Variants in PTPRJ observed in about 807,000 individuals in gnomAD.
The protein encoded by PTPRJ is receptor-type tyrosine-protein phosphatase eta.
In PTPRJ, 129 loss-of-function variants were observed where a neutral mutation model predicts 141.3. The ratio of observed to expected loss-of-function variants is 0.91; its 90% CI spans 0.79 to 1.06. PTPRJ has a LOEUF of 1.06. Ranked by LOEUF, PTPRJ falls within the 50% of genes least tolerant of loss-of-function variation. PTPRJ has a pLI of 0.00. For missense variants in PTPRJ, 1,601 were observed against 1,679.7 expected (o/e 0.95, Z 0.82); for synonymous variants, 610 against 640.5 (o/e 0.95, Z 0.72).
rs562648187 is a variant in PTPRJ, at chr11:48,011,438, A to G, written c.96+30430A>G. Among the ~76,000 whole-genome samples, 14 of 152,294 alleles carry G rather than the reference A, an allele frequency of 9.2e-5. No homozygotes were observed. The South Asian group carries it at 2.9e-3, about 32-fold the overall frequency. Reference sequence around the variant, plus strand: ...AGAAAGTAATGCCGATCAGGGGCTCAGAGTGTCCCAAGTGTTTTCTCTTGC... The same window carrying G: ...AGAAAGTAATGCCGATCAGGGGCTCGGAGTGTCCCAAGTGTTTTCTCTTGC... On this transcript the variant is annotated intron_variant, in intron 1 of 24. Transcript: ENST00000418331.
chr11:48,119,018 C>CAAAAAAAAAA (rs59349969), intron 3 of PTPRJ, among the ~76,000 whole-genome samples: 9 of 87,058 alleles, frequency 1.0e-4, no homozygotes, highest in East Asian at 3.5e-4. Context: ...GACTTCGTCT[C>CAAAAAAAAAA]AAAAAAAAAA....
At chr11:48,010,409 C>T (rs1189295621) in intron 1 of PTPRJ, among the ~76,000 whole-genome samples, 1 of 151,782 alleles carries the variant, frequency 6.6e-6, no homozygotes, top group Non-Finnish European at 1.5e-5. Context: ...AAACTCCTGA[C>T]CTCAAGTGAT....
intron 1 of PTPRJ, among the ~76,000 whole-genome samples, chr11:48,074,071 C>G (rs1855336893): frequency 6.6e-6 from 1 of 152,224 alleles, no homozygotes; most frequent in African/African-American, 2.4e-5. Context: ...CCTTGACCTC[C>G]TGGGCTCAAG....
At chr11:48,053,289 A>G (rs1854642876) in intron 1 of PTPRJ, among the ~76,000 whole-genome samples, 1 of 91,078 alleles carries the variant, frequency 1.1e-5, no homozygotes, top group Non-Finnish European at 2.0e-5. Flanking sequence ...AAATATATAA[A>G]AATATATAAA....
rs1243032019 is a variant in PTPRJ, at chr11:47,991,540, G to T, written c.96+10532G>T. 5.3e-5 allele frequency among the ~76,000 whole-genome samples: 8 copies of T among 152,312 alleles called. No individual in the cohort carries two copies. In the East Asian group the frequency reaches 1.3e-3, roughly 26 times the overall value. ...GCAGCAAGGTGATTGTGCATTTCCT[G>T]CTGCTGGCTGAGGGGCCAGCAAATT... On this transcript the variant is annotated intron_variant, in intron 1 of 24. Coordinates refer to ENST00000418331, the MANE Select transcript of PTPRJ (RefSeq NM_002843.4).
At position 48,123,643 on chromosome 11, in the gene PTPRJ, C is replaced by T; in HGVS notation, c.647C>T (p.Ala216Val). The T allele has an allele frequency of 6.2e-7, 1 of 1,613,938 alleles. No homozygotes were observed. Among genetic ancestry groups the T allele is most frequent in the Non-Finnish European group, 8.5e-7 (1 of 1,179,886 alleles). The change falls in exon 5 of 25, where the codon GCC becomes GTC. Residue 216 changes from alanine (A) to valine (V), a missense_variant. Transcript: ENST00000418331. ...ATCCCAGTTTCTGATCTCCGTGTTGCCCTCACGGGTGTGAGGAAGGCTGCT... is the reference window on the plus strand; with the variant it reads ...ATCCCAGTTTCTGATCTCCGTGTTGTCCTCACGGGTGTGAGGAAGGCTGCT... ...EPIPVSDLRVALTGVRKAALS... is the reference protein window; with the variant it reads ...EPIPVSDLRVVLTGVRKAALS...
At chr11:48,124,186 A>G (rs1400017822) in intron 5 of PTPRJ, among the ~76,000 whole-genome samples, 1 of 152,148 alleles carries the variant, frequency 6.6e-6, no homozygotes, top group South Asian at 2.1e-4. Flanking sequence ...CTTCAGAGGA[A>G]CTTATCACGT....
chr11:48,089,164 A>G (rs550332747), intron 1 of PTPRJ, among the ~76,000 whole-genome samples: 1 of 152,354 alleles, frequency 6.6e-6, no homozygotes, highest in South Asian at 2.1e-4. Flanking sequence ...CATTTTAAAA[A>G]GAAATTGTAA....
intron 1 of PTPRJ, among the ~76,000 whole-genome samples, chr11:48,024,827 C>T (rs1393226962): frequency 6.6e-6 from 1 of 152,226 alleles, no homozygotes; most frequent in Non-Finnish European, 1.5e-5. Context: ...CCAGGCCTAG[C>T]AAAGGCAGGG....
At chr11:48,084,919 A>G (rs972767884) in intron 1 of PTPRJ, among the ~76,000 whole-genome samples, 2 of 152,224 alleles carry the variant, frequency 1.3e-5, no homozygotes, top group African/African-American at 4.8e-5. Flanking sequence ...ACAACAGCAA[A>G]AAACCCAAAG....
At chr11:48,145,148 G>T in intron 14 of PTPRJ, 24 bp downstream of exon 14, 1 of 1,612,876 alleles carries the variant, frequency 6.2e-7, no homozygotes, top group South Asian at 1.1e-5. Flanking sequence ...AACAGTCCTG[G>T]CACTGGTTCA....
At chr11:48,153,962 A>G in intron 19 of PTPRJ, 76 bp downstream of exon 19, 1 of 1,027,772 alleles carries the variant, frequency 9.7e-7, no homozygotes. Context: ...GAGGGGAGGG[A>G]ATCAGTGATC....
intron 6 of PTPRJ, among the ~76,000 whole-genome samples, chr11:48,126,311 TC>T (rs1188302637): frequency 5.3e-4 from 80 of 152,168 alleles, no homozygotes; most frequent in African/African-American, 1.8e-3. Flanking sequence ...TGGTGTGAAT[TC>T]ACACACATCC....
intron 1 of PTPRJ, among the ~76,000 whole-genome samples, chr11:48,016,125 C>T (rs1406007101): frequency 6.6e-6 from 1 of 152,118 alleles, no homozygotes; most frequent in African/African-American, 2.4e-5. Context: ...TTGGATTGAC[C>T]TAAGTGTCAC....
At chr11:48,060,059 A>G (rs919308859) in intron 1 of PTPRJ, among the ~76,000 whole-genome samples, 21 of 152,198 alleles carry the variant, frequency 1.4e-4, no homozygotes, top group African/African-American at 7.2e-5. Flanking sequence ...CTCCCCTGGT[A>G]AACGGAGTGA....
intron 1 of PTPRJ, among the ~76,000 whole-genome samples, chr11:48,026,982 G>A (rs1853830423): frequency 6.6e-6 from 1 of 150,440 alleles, no homozygotes; most frequent in Admixed American, 6.6e-5. Flanking sequence ...GATTTGGATG[G>A]GTCTTGGAAT....
At chr11:48,121,294 G>A in intron 4 of PTPRJ, 28 bp downstream of exon 4, 1 of 1,607,882 alleles carries the variant, frequency 6.2e-7, no homozygotes, top group Non-Finnish European at 8.5e-7. Flanking sequence ...CAGGGATGAT[G>A]ACAAACCATT....
rs537636415 is a variant in PTPRJ, at chr11:48,027,935, ATCCAGGGTCCAGATGCT to A, written c.96+46957_96+46973del. ...GCTCTTAGGTCCCAAGTTTGCCTGC[ATCCAGGGTCCAGATGCT>A]TCCAGGGTCCAGATGCTTCCAGGGT... On this transcript the variant is annotated intron_variant, in intron 1 of 24. Coordinates refer to ENST00000418331, the MANE Select transcript of PTPRJ (RefSeq NM_002843.4). 3.6e-3 allele frequency among the ~76,000 whole-genome samples: 552 copies of A among 151,770 alleles called. 2 individuals are homozygous for A. Among genetic ancestry groups the A allele is most frequent in the African/African-American group, 0.012 (512 of 41,366 alleles).
chr11:48,131,051 C>CACACACACACACACAT (rs1286082298), intron 8 of PTPRJ, among the ~76,000 whole-genome samples: 7 of 112,096 alleles, frequency 6.2e-5, no homozygotes, highest in East Asian at 2.3e-4. Flanking sequence ...CACACACACA[C>CACACACACACACACAT]ATATATATAT....
Sources: gnomAD v4.1 joint callset for allele counts (sites outside exome capture counted in the v4.1 genomes callset) on GRCh38, gnomAD v4.1.1 for gene constraint, MANE v1.5 for transcripts, NCBI Gene and HGNC (gene_info 2026-07-23, HGNC 2026-07-21) for gene names.